Variants in ABCA2 observed in about 807,000 individuals in gnomAD.
The protein encoded by ABCA2 is ATP binding cassette subfamily A member 2.
A neutral mutation model predicts 262.8 loss-of-function variants in ABCA2; 84 were observed. That is an observed-to-expected ratio of 0.32 (90% confidence interval 0.27 to 0.38). The LOEUF (loss-of-function observed/expected upper bound fraction) is 0.38. Among genes scored for constraint, ABCA2 ranks in the 10% least tolerant of loss-of-function variants. ABCA2 has a pLI of 1.00. For synonymous variants in ABCA2, 1,696 were observed against 1,502.9 expected, an observed-to-expected ratio of 1.13 and a Z score of -2.97; for missense variants, 2,662 against 3,405.9, an observed-to-expected ratio of 0.78 and a Z score of 5.44.
intron 33 of ABCA2, 44 bp downstream of exon 33, chr9:137,012,221 C>CCCCCGA: frequency 6.3e-7 from 1 of 1,594,098 alleles, no homozygotes; most frequent in Non-Finnish European, 8.6e-7. Context: ...CGCCCCGGCC[C>CCCCCGA]CAGCTCCTCC....
At chr9:137,022,204 G>GGGTGGGGGCATGGCTCAGAA in intron 6 of ABCA2, 147 bp downstream of exon 6, 1 of 961,352 alleles carries the variant, frequency 1.0e-6, no homozygotes. Context: ...ATGGCTCAGA[G>GGGTGGGGGCATGGCTCAGAA]AGTGGGGGCG....
upstream of ABCA2, chr9:137,028,279 G>C (rs1435639737): frequency 1.5e-5 from 15 of 977,682 alleles, no homozygotes; most frequent in Non-Finnish European, 1.8e-5. The surrounding 1 kb of genome is among the most constrained non-coding windows in gnomAD (Gnocchi z 6.9). Flanking sequence ...ATCCGCGCTG[G>C]CTCCGCCCCG....
chr9:137,028,410 C>T, upstream of ABCA2: 1 of 441,278 alleles, frequency 2.3e-6, no homozygotes, highest in Non-Finnish European at 3.0e-6. The surrounding 1 kb of genome is among the most constrained non-coding windows in gnomAD (Gnocchi z 6.9). Flanking sequence ...CCGACCCGGG[C>T]CCGAGACCCT....
chr9:137,009,135 C>T (rs1434762181), intron 45 of ABCA2, 82 bp from the exon 46 acceptor site: 2 of 1,395,098 alleles, frequency 1.4e-6, no homozygotes, highest in East Asian at 2.4e-5. Flanking sequence ...CCTACAGCCC[C>T]CACAGGCACC....
In ABCA2 at chr9:137,009,404, G is replaced by A. The variant is rs767665301; in HGVS notation, c.6793C>T (p.Arg2265Trp). ...RLAIMVNGRL[R>W]CLGSIQHLKN... ...AGGTGCTGGATGCTGCCCAGGCACC[G>A]CAGGCGACCGTTCACCATGATGGCC... Residue 2265 changes from arginine (R) to tryptophan (W), a missense_variant, in exon 45 of 49, where the codon CGG (arginine) becomes TGG (tryptophan). By Grantham distance (101) the Arg-to-Trp change is moderately radical (BLOSUM62 -3). Around this residue, in one of 12 missense-constraint regions of ABCA2, gnomAD observed 602 missense variants for 897.4 expected, o/e 0.67. Transcript: ENST00000341511. 24 of 1,349,554 alleles carry A rather than the reference G, an allele frequency of 1.8e-5. No individual in the cohort carries two copies. The highest frequency in any genetic ancestry group is 9.7e-5 in the Admixed American group (5 of 51,400). 83.6% of individuals were successfully genotyped at this position (1,349,554 alleles called of 1,614,324 possible). A position where few individuals can be genotyped will look rare whatever the true frequency, so the allele number is the denominator to read the frequency against.
chr9:137,022,428 G>T lies in ABCA2; in HGVS notation c.490C>A (p.Arg164Ser), dbSNP rs764738744. 1 of 1,611,890 alleles carries T rather than the reference G, an allele frequency of 6.2e-7. No individual in the cohort carries two copies. The highest frequency in any genetic ancestry group is 2.2e-5 in the East Asian group (1 of 44,864). Reference sequence around the variant, plus strand: ...AGCGACAAGTTTTGCGTCAGGAAACGCCAGAGCTCCTGCGGGTTTCTGGCC... The same window carrying T: ...AGCGACAAGTTTTGCGTCAGGAAACTCCAGAGCTCCTGCGGGTTTCTGGCC... Reference protein sequence around the residue: ...SVARNPQELWRFLTQNLSLPN... With the variant: ...SVARNPQELWSFLTQNLSLPN... The change falls in exon 6 of 49, where the codon CGT (arginine) becomes AGT (serine). Residue 164 changes from arginine to serine, a missense_variant. Arg to Ser is a moderately radical substitution (Grantham distance 110, BLOSUM62 -1). Transcript: ENST00000341511.
intron 39 of ABCA2, 58 bp downstream of exon 39, chr9:137,010,898 CGCCCCTACCCTGCCCCA>C: frequency 1.6e-6 from 1 of 641,980 alleles, no homozygotes; most frequent in Non-Finnish European, 2.6e-6. Context: ...CCCCCACCCC[CGCCCCTACCCTGCCCCA>C]CCCCCGAACC....
At chr9:137,008,900 G>GA in intron 46 of ABCA2, 32 bp from the exon 47 acceptor site, 2 of 1,555,288 alleles carry the variant, frequency 1.3e-6, no homozygotes, top group Non-Finnish European at 1.7e-6. Context: ...GCCTGGCAGC[G>GA]CCCCCCCACC....
chr9:137,027,823 G>C (rs1383732997), intron 1 of ABCA2: 2 of 152,604 alleles, frequency 1.3e-5, no homozygotes, highest in Non-Finnish European at 2.9e-5. Flanking sequence ...CGCGGGTGCC[G>C]TGACTCAGCC....
At chr9:137,012,444 GC>G in intron 32 of ABCA2, 40 bp downstream of exon 32, 1 of 1,608,800 alleles carries the variant, frequency 6.2e-7, no homozygotes, top group Non-Finnish European at 8.5e-7. Flanking sequence ...ACCTCGGGCG[GC>G]GCTACACACA....
chr9:137,020,702 G>A lies in ABCA2; in HGVS notation c.1257C>T (p.Gly419=), dbSNP rs1418924107. The change falls in exon 9 of 49, where the codon GGC becomes GGT. Residue 419 remains glycine (G), a synonymous_variant. Transcript: ENST00000341511. ...CCCTGCCGCCCACCTACCGGTTGTT[G>A]CCACACAAGATGGGCTGCAGGCCGG... ...LWAGLQPILC[G]NNRTIEPEAL... The A allele has an allele frequency of 3.7e-6, 6 of 1,600,196 alleles. No individual in the cohort carries two copies. Among genetic ancestry groups the A allele is most frequent in the Admixed American group, 3.3e-5 (2 of 59,912 alleles).
At chr9:137,023,181 T>G in intron 3 of ABCA2, 129 bp from the exon 4 acceptor site, 1 of 763,846 alleles carries the variant, frequency 1.3e-6, no homozygotes, top group Non-Finnish European at 2.2e-6. Flanking sequence ...GAAGCAGCGT[T>G]AGGGAGAAGG....
rs1325365020 is a variant in ABCA2, at chr9:137,011,403, C to T, written c.5799+4G>A. 6.8e-6 allele frequency: 11 copies of T among 1,609,952 alleles called. No homozygotes were observed. Among genetic ancestry groups the T allele is most frequent in the Non-Finnish European group, 2.5e-6 (3 of 1,178,710 alleles). On this transcript the variant is annotated splice_donor_region_variant and intron_variant, in intron 37 of 48. Transcript: ENST00000341511. The surrounding 1 kb of genome is among the most constrained non-coding windows in gnomAD (Gnocchi z 8.8). ...CCACCCCCACCATGTCGTCACCGCC[C>T]CACCTTGTCGTGCTCGAAGAGCTGT...
intron 24 of ABCA2, 133 bp downstream of exon 24, chr9:137,015,281 C>T (rs558635736): frequency 2.7e-5 from 34 of 1,245,888 alleles, no homozygotes; most frequent in Non-Finnish European, 3.4e-5. Context: ...TTGCAGAGGG[C>T]GGGCCAGGCC....
chr9:137,017,187 G>A lies in ABCA2; in HGVS notation c.2553+9C>T, dbSNP rs762929348. The A allele has an allele frequency of 4.4e-5, 71 of 1,611,942 alleles. No individual in the cohort carries two copies. In the Middle Eastern group the frequency reaches 6.6e-4, roughly 15 times the overall value. On this transcript the variant is annotated intron_variant, in intron 18 of 48. Coordinates refer to ENST00000341511, the MANE Select transcript of ABCA2 (RefSeq NM_001606.5). Reference sequence around the variant, plus strand: ...GCACCCCAGCCGCCCGCCTGCCCGCGACCCTCACCGCGATGCACTTCTCGA... The same window carrying A: ...GCACCCCAGCCGCCCGCCTGCCCGCAACCCTCACCGCGATGCACTTCTCGA...
intron 10 of ABCA2, 148 bp downstream of exon 10, chr9:137,020,188 C>T: frequency 9.6e-7 from 1 of 1,042,248 alleles, no homozygotes. Flanking sequence ...CCTGGTCCCC[C>T]ACCTGCAGAG....
intron 28 of ABCA2, 44 bp from the exon 29 acceptor site, chr9:137,013,607 G>T (rs1453904905): frequency 1.9e-6 from 3 of 1,555,174 alleles, no homozygotes; most frequent in Admixed American, 1.9e-5. Flanking sequence ...CTGCCCTCTG[G>T]CCAGCGGCCC....
intron 27 of ABCA2, 26 bp from the exon 28 acceptor site, chr9:137,014,064 A>T: frequency 6.2e-7 from 1 of 1,605,482 alleles, no homozygotes. Context: ...GAGGCTGAGC[A>T]GGTGGTTGCA....
chr9:137,009,086 C>T (rs201816239), intron 45 of ABCA2, 33 bp from the exon 46 acceptor site: 29 of 1,587,456 alleles, frequency 1.8e-5, no homozygotes, highest in Middle Eastern at 1.7e-4. Context: ...CGGAGCCCTG[C>T]GCCGCCCAGC....
Sources: gnomAD v4.1 joint callset for allele counts on GRCh38, gnomAD v4.1.1 for gene constraint, gnomAD v4.1.1 regional missense constraint, Gnocchi (gnomAD v3.1) non-coding constraint, MANE v1.5 for transcripts, NCBI Gene and HGNC (gene_info 2026-07-23, HGNC 2026-07-21) for gene names.